ANKRD30BL: variants seen among roughly 807,000 people sequenced by gnomAD.
The protein encoded by ANKRD30BL is putative ankyrin repeat domain-containing protein 30B-like.
In ANKRD30BL, 20 loss-of-function variants were observed where a neutral mutation model predicts 18.4. The observed-to-expected ratio is 1.09, with a 90% CI of 0.77 to 1.58. The LOEUF is 1.58. Ranked by LOEUF, ANKRD30BL falls within the 40% of genes most tolerant of loss-of-function variation. The pLI, the probability that ANKRD30BL is intolerant of heterozygous loss-of-function variation, is 0.00. For synonymous variants in ANKRD30BL, 72 were observed against 100.9 expected, an observed-to-expected ratio of 0.71 and a Z score of 1.72; for missense variants, 224 against 268.6, an observed-to-expected ratio of 0.83 and a Z score of 1.16.
chr2:132,165,609 G>A (rs907511089), upstream of ANKRD30BL, among the ~76,000 whole-genome samples: 1 of 151,336 alleles, frequency 6.6e-6, no homozygotes, highest in Non-Finnish European at 1.5e-5. Context: ...TGTAGTCCCA[G>A]CTACTCTGGA....
At position 132,221,198 on chromosome 2, in the gene ANKRD30BL, G is replaced by A. The variant is rs375806833; in HGVS notation, n.441+36331C>T. Among the ~76,000 whole-genome samples the A allele has an allele frequency of 1.2e-3, 172 of 142,508 alleles. 6 individuals carry two copies. The East Asian group carries it at 0.031, about 26-fold the overall frequency. The allele number at this position is 142,508 out of a possible 152,430, so 93.5% of individuals were successfully genotyped here. ...CCCATCCGCGAGGGAGGTGGGGGGG[G>A]GTCAGCCCCCCGCCCGGCCAGCCGC... On this transcript the variant is annotated intron_variant and non_coding_transcript_variant, in intron 1 of 4. Transcript: ENST00000470729.
intron 1 of ANKRD30BL, among the ~76,000 whole-genome samples, chr2:132,245,494 G>GTGTA (rs1680472520): frequency 7.2e-5 from 11 of 152,232 alleles, no homozygotes; most frequent in African/African-American, 2.7e-4. Flanking sequence ...TGTGATGCTT[G>GTGTA]CAATCAACTC....
At chr2:132,246,761 T>C (rs114467251) in intron 1 of ANKRD30BL, among the ~76,000 whole-genome samples, 1 of 151,384 alleles carries the variant, frequency 6.6e-6, no homozygotes, top group Admixed American at 6.6e-5. Context: ...GAATCTGTAA[T>C]TGGAAATTTT....
rs1191472645 is a variant in ANKRD30BL at position 132,198,315 on chromosome 2, T to C, written n.442-41169A>G. Among the ~76,000 whole-genome samples, 7 of 18,168 alleles carry C rather than the reference T, an allele frequency of 3.9e-4. 1 individual carries two copies. Among genetic ancestry groups the C allele is most frequent in the Non-Finnish European group, 9.3e-4 (7 of 7,526 alleles). The allele number at this position is 18,168 out of a possible 152,430, so 11.9% of individuals were successfully genotyped here. A position where few individuals can be genotyped will look rare whatever the true frequency, so the allele number is the denominator to read the frequency against. ...TTCTTTCTTTCTTTCTTTCTTTCTT[T>C]CTTTCTTTCTTTTTTTTTTTTTTTT... On this transcript the variant is annotated intron_variant and non_coding_transcript_variant, in intron 1 of 4. Coordinates refer to the ANKRD30BL transcript ENST00000470729.
intron 1 of ANKRD30BL, chr2:132,257,058 G>C: frequency 2.0e-6 from 1 of 512,734 alleles, no homozygotes. Flanking sequence ...ACCCGCCTAG[G>C]ATGCCGGACG....
intron 1 of ANKRD30BL, among the ~76,000 whole-genome samples, chr2:132,222,664 C>A (rs1358565691): frequency 1.3e-5 from 2 of 151,540 alleles, no homozygotes; most frequent in Non-Finnish European, 2.9e-5. Context: ...CATCACCACT[C>A]CCTAATCTTA....
At chr2:132,179,824 T>C (rs570097185) in intron 1 of ANKRD30BL, among the ~76,000 whole-genome samples, 2 of 152,222 alleles carry the variant, frequency 1.3e-5, no homozygotes, top group East Asian at 3.9e-4. Flanking sequence ...CTAATGTGCA[T>C]GTTTGTGTTT....
At chr2:132,205,642 GA>G (rs4063216) in intron 1 of ANKRD30BL, among the ~76,000 whole-genome samples, 27 of 149,884 alleles carry the variant, frequency 1.8e-4, no homozygotes, top group African/African-American at 5.9e-4. Context: ...AAAAAAGAAA[GA>G]AAAAAATAAA....
chr2:132,231,389 G>A (rs1358303400), intron 1 of ANKRD30BL, among the ~76,000 whole-genome samples: 10 of 152,208 alleles, frequency 6.6e-5, no homozygotes, highest in South Asian at 4.1e-4. Flanking sequence ...CGTGAGCGAC[G>A]CAGAAGACAG....
chr2:132,158,527 A>G (rs2104927947), intron 1 of ANKRD30BL, among the ~76,000 whole-genome samples: 1 of 151,998 alleles, frequency 6.6e-6, no homozygotes, highest in South Asian at 2.1e-4. Context: ...CATTCCTAGT[A>G]CTCCAACTTT....
intron 1 of ANKRD30BL, among the ~76,000 whole-genome samples, chr2:132,251,604 T>C (rs958749424): frequency 6.6e-5 from 10 of 152,244 alleles, no homozygotes; most frequent in African/African-American, 2.4e-4. Flanking sequence ...ATAGTTTTGT[T>C]AGCACTGTAA....
intron 1 of ANKRD30BL, among the ~76,000 whole-genome samples, chr2:132,244,753 A>T (rs1680445010): frequency 6.6e-6 from 1 of 152,252 alleles, no homozygotes; most frequent in Non-Finnish European, 1.5e-5. Flanking sequence ...TGCAGACGTG[A>T]ATACCTTCAC....
chr2:132,210,508 G>C (rs13397190), intron 1 of ANKRD30BL, among the ~76,000 whole-genome samples: 1 of 151,896 alleles, frequency 6.6e-6, no homozygotes, highest in Non-Finnish European at 1.5e-5. Flanking sequence ...TATTTGGAGC[G>C]CCTTAAGGTC....
chr2:132,169,804 T>A (rs1413498851), intron 1 of ANKRD30BL, among the ~76,000 whole-genome samples: 2 of 143,398 alleles, frequency 1.4e-5, no homozygotes, highest in African/African-American at 5.0e-5. Context: ...ATGCAGAATT[T>A]TATTCTTCTC....
At chr2:132,173,527 C>T (rs536805990) in intron 1 of ANKRD30BL, among the ~76,000 whole-genome samples, 1 of 151,508 alleles carries the variant, frequency 6.6e-6, no homozygotes, top group Non-Finnish European at 1.5e-5. Flanking sequence ...TCGATTTCCT[C>T]ACCTCGTGAT....
chr2:132,256,707 C>T (rs1680851670), intron 1 of ANKRD30BL, among the ~76,000 whole-genome samples: 1 of 152,236 alleles, frequency 6.6e-6, no homozygotes, highest in African/African-American at 2.4e-5. Context: ...TCCGGGTGTC[C>T]ACCAGGCCCA....
chr2:132,228,785 G>C (rs528278543), intron 1 of ANKRD30BL, among the ~76,000 whole-genome samples: 1 of 146,604 alleles, frequency 6.8e-6, no homozygotes, highest in South Asian at 2.1e-4. Context: ...ATAAAATCTA[G>C]ATAAAAGCAA....
intron 1 of ANKRD30BL, among the ~76,000 whole-genome samples, chr2:132,235,005 AT>A (rs917090061): frequency 1.3e-5 from 2 of 152,206 alleles, no homozygotes; most frequent in Non-Finnish European, 2.9e-5. Flanking sequence ...AGTGGGCTTC[AT>A]CCCTGGGATG....
chr2:132,251,653 T>C (rs1680652778), intron 1 of ANKRD30BL, among the ~76,000 whole-genome samples: 1 of 152,210 alleles, frequency 6.6e-6, no homozygotes, highest in South Asian at 2.1e-4. Context: ...GTTCTATTTG[T>C]CTCAAAAAAT....
Sources: allele counts gnomAD v4.1 joint callset (sites outside exome capture counted in the v4.1 genomes callset), GRCh38; gene constraint gnomAD v4.1.1; transcripts MANE v1.5; gene names NCBI Gene and HGNC (gene_info 2026-07-23, HGNC 2026-07-21).